The following NEURL1 variants were observed in gnomAD, a reference collection of about 807,000 sequenced individuals.
The protein encoded by NEURL1 is E3 ubiquitin-protein ligase NEURL1.
NEURL1 carries 26 observed loss-of-function variants against 41.2 expected under a neutral mutation model. The observed-to-expected ratio is 0.63, with a 90% CI of 0.46 to 0.87. The LOEUF (loss-of-function observed/expected upper bound fraction) is 0.87. Among genes scored for constraint, NEURL1 ranks in the 40% least tolerant of loss-of-function variants. NEURL1 has a pLI of 0.00. For missense variants in NEURL1, 761 were observed against 871.1 expected, an observed-to-expected ratio of 0.87 and a Z score of 1.59; for synonymous variants, 400 against 402.3, an observed-to-expected ratio of 0.99 and a Z score of 0.07.
chr10:103,543,557 T>C (rs753443858), intron 1 of NEURL1, among the ~76,000 whole-genome samples: 2 of 152,246 alleles, frequency 1.3e-5, no homozygotes, highest in South Asian at 2.1e-4. Flanking sequence ...TTGAGCATTA[T>C]GGAGTGACCA....
At chr10:103,582,129 C>T (rs1178928792) in intron 3 of NEURL1, among the ~76,000 whole-genome samples, 1 of 152,082 alleles carries the variant, frequency 6.6e-6, no homozygotes, top group East Asian at 1.9e-4. Context: ...AGCTGTGTTC[C>T]TGGAGGCTCT....
At chr10:103,538,858 G>A (rs1364284671) in intron 1 of NEURL1, among the ~76,000 whole-genome samples, 1 of 151,370 alleles carries the variant, frequency 6.6e-6, no homozygotes, top group Non-Finnish European at 1.5e-5. Context: ...TATTGGTCAG[G>A]CTGGTCTTGA....
intron 1 of NEURL1, among the ~76,000 whole-genome samples, chr10:103,559,843 TGC>T (rs966939171): frequency 7.0e-5 from 10 of 143,590 alleles, no homozygotes; most frequent in African/African-American, 1.0e-4. Flanking sequence ...CACACATATG[TGC>T]GCACACACAC....
At chr10:103,564,440 C>G (rs954037928) in intron 1 of NEURL1, among the ~76,000 whole-genome samples, 3 of 152,192 alleles carry the variant, frequency 2.0e-5, no homozygotes, top group African/African-American at 7.2e-5. Context: ...CACACGCCCC[C>G]CCCATTTTGA....
At position 103,584,684 on chromosome 10, in the gene NEURL1, G is replaced by T; in HGVS notation, c.798G>T (p.Ala266=). ...NVPGADGDEA[A]PAAGCPIPQN... The stretch of plus-strand genomic sequence containing the variant: ...CGGGCGCGGACGGCGACGAGGCCGC[G>T]CCGGCCGCCGGCTGCCCCATCCCGC... The change falls in exon 4 of 6, where the codon GCG becomes GCT. Residue 266 remains alanine, a synonymous_variant. Transcript: ENST00000369780. The T allele has an allele frequency of 1.4e-6, 2 of 1,430,842 alleles. No individual in the cohort carries two copies. The highest frequency in any genetic ancestry group is 2.9e-5 in the South Asian group (2 of 69,912). 88.6% of individuals were successfully genotyped at this position (1,430,842 alleles called of 1,614,324 possible). A position where few individuals can be genotyped will look rare whatever the true frequency, so the allele number is the denominator to read the frequency against.
rs375288635 is a variant in NEURL1, at chr10:103,567,999, C to T, written c.86-2873C>T. Among the ~76,000 whole-genome samples the T allele has an allele frequency of 1.7e-3, 257 of 152,264 alleles. 2 individuals carry two copies. The highest frequency in any genetic ancestry group is 5.9e-3 in the African/African-American group (244 of 41,554). ...TTTCACATCCATGTGTACATGACTACGTGTGTGTGTAAGTGTGTGGTTCCT... is the reference window on the plus strand; with the variant it reads ...TTTCACATCCATGTGTACATGACTATGTGTGTGTGTAAGTGTGTGGTTCCT... On this transcript the variant is annotated intron_variant, in intron 1 of 5. Transcript: ENST00000369780.
chr10:103,579,045 TC>T (rs2035729601), intron 3 of NEURL1, among the ~76,000 whole-genome samples: 2 of 152,232 alleles, frequency 1.3e-5, no homozygotes, highest in South Asian at 4.1e-4. Context: ...GACGGCAAGC[TC>T]TGCCTCAAAG....
chr10:103,540,880 A>G (rs930522516), intron 1 of NEURL1, among the ~76,000 whole-genome samples: 11 of 152,200 alleles, frequency 7.2e-5, no homozygotes, highest in African/African-American at 2.7e-4. Context: ...CAGCTTCAAT[A>G]TTCATTGGTC....
chr10:103,589,014 T>A, intron 4 of NEURL1: 1 of 424,774 alleles, frequency 2.4e-6, no homozygotes, highest in Non-Finnish European at 4.6e-6. Flanking sequence ...GAATCTATGA[T>A]CAGAACAAGG....
intron 1 of NEURL1, among the ~76,000 whole-genome samples, chr10:103,501,208 G>A (rs2033814682): frequency 6.6e-6 from 1 of 152,224 alleles, no homozygotes; most frequent in African/African-American, 2.4e-5. Context: ...ATTTTATCCT[G>A]TAGGCATTGG....
intron 1 of NEURL1, among the ~76,000 whole-genome samples, chr10:103,513,767 G>C (rs1043867230): frequency 2.1e-5 from 3 of 141,496 alleles, no homozygotes; most frequent in African/African-American, 5.1e-5. Context: ...TGGTGAGGGT[G>C]GGGGGTGGGA....
chr10:103,571,381 G>A, intron 2 of NEURL1, 120 bp from the exon 3 acceptor site: 2 of 1,148,688 alleles, frequency 1.7e-6, no homozygotes, highest in Non-Finnish European at 2.4e-6. Context: ...GGAGGGAACT[G>A]TGCTGGAATG....
chr10:103,559,883 CAT>C (rs768215009), intron 1 of NEURL1, among the ~76,000 whole-genome samples: 3 of 151,844 alleles, frequency 2.0e-5, no homozygotes, highest in Admixed American at 1.3e-4. Flanking sequence ...TACGCACACA[CAT>C]ACACACATGC....
rs2033626290 is a variant in NEURL1, at chr10:103,494,300, CCGCGCGCGCACA to C, written c.-86_-75del. On this transcript the variant is annotated 5_prime_UTR_variant, in exon 1 of 6. Coordinates refer to ENST00000369780, the MANE Select transcript of NEURL1 (RefSeq NM_004210.5). The stretch of plus-strand genomic sequence containing the variant: ...AGGGCCCTCCCCCGGTGGCGCGCAC[CCGCGCGCGCACA>C]CTCGCACACCGCACCTCAGCGCCTG... The C allele has an allele frequency of 8.9e-7, 1 of 1,118,764 alleles. No homozygotes were observed. Among genetic ancestry groups the C allele is most frequent in the Non-Finnish European group, 1.3e-6 (1 of 799,318 alleles). The allele number at this position is 1,118,764 out of a possible 1,614,324, so 69.3% of individuals were successfully genotyped here. A position where few individuals can be genotyped will look rare whatever the true frequency, so the allele number is the denominator to read the frequency against.
intron 1 of NEURL1, among the ~76,000 whole-genome samples, chr10:103,569,271 C>T (rs2035488198): frequency 2.6e-5 from 4 of 152,318 alleles, no homozygotes; most frequent in Middle Eastern, 3.4e-3. Flanking sequence ...TCACTCACAT[C>T]GTTATTTTGA....
At chr10:103,525,317 T>G (rs1366028455) in intron 1 of NEURL1, among the ~76,000 whole-genome samples, 1 of 151,298 alleles carries the variant, frequency 6.6e-6, no homozygotes, top group Admixed American at 6.6e-5. Flanking sequence ...GTTCTCAGAG[T>G]TTTTTTGGTG....
At chr10:103,509,252 A>G (rs2034016913) in intron 1 of NEURL1, among the ~76,000 whole-genome samples, 1 of 147,096 alleles carries the variant, frequency 6.8e-6, no homozygotes, top group Non-Finnish European at 1.5e-5. Flanking sequence ...AAAAAAAAAA[A>G]GAGAAAGAAA....
intron 3 of NEURL1, among the ~76,000 whole-genome samples, chr10:103,583,543 C>T (rs1190797592): frequency 2.0e-5 from 3 of 151,222 alleles, no homozygotes; most frequent in South Asian, 2.1e-4. Context: ...GGCGAAATAC[C>T]GTCTCTACCC....
chr10:103,547,813 T>C (rs1238325400), intron 1 of NEURL1, among the ~76,000 whole-genome samples: 2 of 151,754 alleles, frequency 1.3e-5, no homozygotes, highest in Non-Finnish European at 2.9e-5. Context: ...TTTCTCATAA[T>C]CCAGGCAGGC....
Sources: allele counts gnomAD v4.1 joint callset (sites outside exome capture counted in the v4.1 genomes callset), GRCh38; gene constraint gnomAD v4.1.1; transcripts MANE v1.5; gene names NCBI Gene and HGNC (gene_info 2026-07-23, HGNC 2026-07-21).